ZNF33B: variants seen among roughly 807,000 people sequenced by gnomAD.
The protein encoded by ZNF33B is zinc finger protein 33B, also known as zinc finger protein 11b (KOX 2).
ZNF33B carries 29 observed loss-of-function variants against 45.8 expected under a neutral mutation model. The observed-to-expected ratio is 0.63, with a 90% confidence interval of 0.47 to 0.86. The LOEUF (loss-of-function observed/expected upper bound fraction) is 0.86. Among genes scored for constraint, ZNF33B ranks in the 40% least tolerant of loss-of-function variants. The pLI is 0.00. For missense variants in ZNF33B, 831 were observed against 909.9 expected, an observed-to-expected ratio of 0.91 and a Z score of 1.12; for synonymous variants, 305 against 307.8, an observed-to-expected ratio of 0.99 and a Z score of 0.10.
At chr10:42,615,289 T>C (rs1838267401) in intron 4 of ZNF33B, among the ~76,000 whole-genome samples, 1 of 152,180 alleles carries the variant, frequency 6.6e-6, no homozygotes, top group Non-Finnish European at 1.5e-5. Context: ...AGCAGAATTA[T>C]TCATAATAGT....
At chr10:42,587,054 CA>C (rs1836950090), downstream of ZNF33B, among the ~76,000 whole-genome samples, 1 of 151,912 alleles carries the variant, frequency 6.6e-6, no homozygotes, top group African/African-American at 2.4e-5. Flanking sequence ...AGGAGAGGGG[CA>C]AAAAGGGCCT....
intron 4 of ZNF33B, among the ~76,000 whole-genome samples, chr10:42,623,312 T>C (rs1838670780): frequency 6.6e-6 from 1 of 152,130 alleles, no homozygotes; most frequent in East Asian, 1.9e-4. Context: ...AATTCAGTGG[T>C]ACCCCAAAAA....
At chr10:42,577,132 CAAAAAAAAAAAA>C (rs71014272) in intron 1 of ZNF33B, among the ~76,000 whole-genome samples, 9 of 81,652 alleles carry the variant, frequency 1.1e-4, no homozygotes, top group African/African-American at 3.6e-4. Flanking sequence ...GACTCCATCT[CAAAAAAAAAAAA>C]AAAAAAAAAA....
intron 4 of ZNF33B, among the ~76,000 whole-genome samples, chr10:42,607,446 T>C (rs1384719436): frequency 6.6e-6 from 1 of 152,170 alleles, no homozygotes; most frequent in Non-Finnish European, 1.5e-5. Flanking sequence ...ACTATTATGC[T>C]GATGGCCACA....
intron 4 of ZNF33B, among the ~76,000 whole-genome samples, chr10:42,608,749 C>G (rs892970557): frequency 6.6e-6 from 1 of 151,640 alleles, no homozygotes; most frequent in Non-Finnish European, 1.5e-5. Flanking sequence ...AATACAAACT[C>G]AAAGCAAGAA....
chr10:42,600,983 C>G (rs937141240), intron 4 of ZNF33B, among the ~76,000 whole-genome samples: 3 of 152,192 alleles, frequency 2.0e-5, no homozygotes, highest in Non-Finnish European at 4.4e-5. Flanking sequence ...TGATGCAGGT[C>G]TGCTGGAGAG....
At chr10:42,576,292 A>G (rs1009053887) in intron 1 of ZNF33B, among the ~76,000 whole-genome samples, 1 of 152,160 alleles carries the variant, frequency 6.6e-6, no homozygotes, top group Non-Finnish European at 1.5e-5. Flanking sequence ...CCCGGCCACA[A>G]TATTATTTTT....
chr10:42,575,283 GACT>G (rs576254811), intron 1 of ZNF33B, among the ~76,000 whole-genome samples: 98 of 152,190 alleles, frequency 6.4e-4, no homozygotes, highest in Admixed American at 1.8e-3. Context: ...CACATGCATG[GACT>G]GAGTTGACAC....
At position 42,599,848 on chromosome 10, in the gene ZNF33B, A is replaced by ACC. The variant is rs1837549049; in HGVS notation, c.251-5150_251-5149insGG. 2.0e-5 allele frequency among the ~76,000 whole-genome samples: 3 copies of ACC among 152,100 alleles called. 1 individual carries two copies. The highest frequency in any genetic ancestry group is 4.4e-5 in the Non-Finnish European group (3 of 67,956). On this transcript the variant is annotated intron_variant, in intron 4 of 4. Coordinates refer to ENST00000359467, the MANE Select transcript of ZNF33B (RefSeq NM_006955.3). ...TTGTATGTATTTTATATTTCCTATG[A>ACC]ATTTCCTATATGTAAATTTCCCATA...
intron 1 of ZNF33B, among the ~76,000 whole-genome samples, chr10:42,637,845 G>A (rs1025119519): frequency 2.0e-5 from 3 of 152,138 alleles, no homozygotes; most frequent in Non-Finnish European, 2.9e-5. Flanking sequence ...TAGAGACGGG[G>A]ATTTGCCATG....
chr10:42,575,659 AT>A (rs1025219125), intron 1 of ZNF33B, among the ~76,000 whole-genome samples: 8 of 150,870 alleles, frequency 5.3e-5, no homozygotes, highest in Non-Finnish European at 1.2e-4. Flanking sequence ...TTTTATGTTA[AT>A]TTAATTTCCC....
In ZNF33B at chr10:42,594,332, A is replaced by G; in HGVS notation, c.618T>C (p.Thr206=). 6.2e-7 allele frequency: 1 copy of G among 1,613,910 alleles called. No individual in the cohort carries two copies. Among genetic ancestry groups the G allele is most frequent in the South Asian group, 1.1e-5 (1 of 91,070 alleles). The change falls in exon 5 of 5, where the codon ACT becomes ACC. Residue 206 remains threonine (T), a synonymous_variant. Coordinates refer to ENST00000359467, the MANE Select transcript of ZNF33B (RefSeq NM_006955.3). ...AAGTTTGAATCTTCTCATGCTGCAA[A>G]GTGTTCTCACGATGACTCAGAGTGT... is the stretch of plus-strand genomic sequence containing the variant. ...NRNTLSHREN[T]LQHEKIQTLD...
In ZNF33B at chr10:42,590,103, A is replaced by G. The variant is rs1837052460; in HGVS notation, c.*2510T>C. On this transcript the variant is annotated 3_prime_UTR_variant, in exon 5 of 5. Transcript: ENST00000359467. ...ATGCAATGGATTGCACTGAATATCA[A>G]ATGTTGAACAAGGCTTGCATTCCTG... 1 of 152,220 alleles carries G rather than the reference A, an allele frequency of 6.6e-6. No homozygotes were observed. The highest frequency in any genetic ancestry group is 1.5e-5 in the Non-Finnish European group (1 of 68,042). 9.4% of individuals were successfully genotyped at this position (152,220 alleles called of 1,614,324 possible). A position where few individuals can be genotyped will look rare whatever the true frequency, so the allele number is the denominator to read the frequency against.
chr10:42,581,767 G>T (rs1438782885), intron 1 of ZNF33B: 2 of 152,204 alleles, frequency 1.3e-5, no homozygotes, highest in Admixed American at 1.3e-4. Context: ...TTTTAGGATA[G>T]AATCCTTATT....
At chr10:42,616,990 A>C (rs1838349463) in intron 4 of ZNF33B, among the ~76,000 whole-genome samples, 1 of 151,450 alleles carries the variant, frequency 6.6e-6, no homozygotes, top group Admixed American at 6.6e-5. Flanking sequence ...CAACGCACCC[A>C]GCCTGTCTAT....
chr10:42,628,026 C>CT (rs774377431), intron 4 of ZNF33B, among the ~76,000 whole-genome samples: 7 of 151,540 alleles, frequency 4.6e-5, no homozygotes, highest in East Asian at 1.9e-4. Context: ...ATTCTTTTTC[C>CT]TTTTTTTTGA....
In ZNF33B at chr10:42,592,541, C is replaced by T; in HGVS notation, c.*72G>A. 1 of 1,526,052 alleles carries T rather than the reference C, an allele frequency of 6.6e-7. No individual in the cohort carries two copies. 94.5% of individuals were successfully genotyped at this position (1,526,052 alleles called of 1,614,324 possible). A position where few individuals can be genotyped will look rare whatever the true frequency, so the allele number is the denominator to read the frequency against. ...TTGAACATTCAGGATGTCAACAGGC[C>T]CTTCTCCACAGTGTGAAGACTCTGA... On this transcript the variant is annotated 3_prime_UTR_variant, in exon 5 of 5. Coordinates refer to ENST00000359467, the MANE Select transcript of ZNF33B (RefSeq NM_006955.3).
chr10:42,621,451 A>T lies in ZNF33B; in HGVS notation c.250+10478T>A, dbSNP rs566751657. 4.6e-5 allele frequency among the ~76,000 whole-genome samples: 7 copies of T among 152,278 alleles called. 1 individual carries two copies. In the South Asian group the frequency reaches 1.5e-3, roughly 32 times the overall value. On this transcript the variant is annotated intron_variant, in intron 4 of 4. Coordinates refer to ENST00000359467, the MANE Select transcript of ZNF33B (RefSeq NM_006955.3). ...ATACCAGTAAAATATATTTAATGGT[A>T]TATTAAGAGGAGTATACACCATGAC...
chr10:42,592,658 G>A lies in ZNF33B; in HGVS notation c.2292C>T (p.Leu764=), dbSNP rs775002083. The A allele has an allele frequency of 2.5e-6, 4 of 1,613,962 alleles. No homozygotes were observed. Among genetic ancestry groups the A allele is most frequent in the Admixed American group, 3.3e-5 (2 of 60,012 alleles). The change falls in exon 5 of 5, where the codon CTC becomes CTT. Residue 764 remains leucine (L), a synonymous_variant. Transcript: ENST00000359467. ...CTATGTGTGTTCTCTGATGTACAAT[G>A]AGATTTGACTTTTGAGAGAAGGTTT... The part of the protein sequence containing the change: ...CRKTFSQKSN[L]IVHQRTHIGE...
Sources: allele counts gnomAD v4.1 joint callset (sites outside exome capture counted in the v4.1 genomes callset), GRCh38; gene constraint gnomAD v4.1.1; transcripts MANE v1.5; gene names NCBI Gene and HGNC (gene_info 2026-07-23, HGNC 2026-07-21).